Variants in UGT1A3 observed in about 807,000 individuals in gnomAD.
UGT1A3 encodes UDP-glucuronosyltransferase 1A3.
UGT1A3 carries 31 observed loss-of-function variants against 41.0 expected under a neutral mutation model. The observed-to-expected ratio is 0.76, with a 90% confidence interval of 0.57 to 1.02. The LOEUF (loss-of-function observed/expected upper bound fraction) is 1.02, where lower values mean the gene tolerates loss of function less well. Ranked by LOEUF, UGT1A3 falls within the 50% of genes least tolerant of loss-of-function variation. The pLI is 0.00. For missense variants in UGT1A3, 737 were observed against 671.0 expected, an observed-to-expected ratio of 1.10 and a Z score of -1.09; for synonymous variants, 262 against 257.6, an observed-to-expected ratio of 1.02 and a Z score of -0.17.
intron 1 of UGT1A3, chr2:233,750,567 C>G (rs1230562765): frequency 2.0e-5 from 3 of 151,970 alleles, no homozygotes; most frequent in Admixed American, 6.5e-5. Context: ...GCAGCAGACC[C>G]TCCCATCACA....
At chr2:233,757,414 C>T (rs1409954571) in intron 1 of UGT1A3, among the ~76,000 whole-genome samples, 3 of 151,192 alleles carry the variant, frequency 2.0e-5, no homozygotes, top group East Asian at 2.0e-4. Context: ...GGGTCTAGAA[C>T]GAAAAGAGAA....
At chr2:233,753,221 CTTCTTGTAT>C (rs979493311) in intron 1 of UGT1A3, 4 of 152,156 alleles carry the variant, frequency 2.6e-5, no homozygotes, top group African/African-American at 9.7e-5. Flanking sequence ...TATTTTGATA[CTTCTTGTAT>C]AGTTATTATT....
intron 1 of UGT1A3, chr2:233,743,097 G>A: frequency 2.8e-6 from 1 of 351,688 alleles, no homozygotes; most frequent in Non-Finnish European, 5.6e-6. Flanking sequence ...AAATTCTTGG[G>A]TACAGCTGTT....
Position 233,767,165 on chromosome 2 carries a change from A to G in UGT1A3, c.999A>G (p.Thr333=). 2.5e-6 allele frequency: 4 copies of G among 1,614,130 alleles called. No individual in the cohort carries two copies. Among genetic ancestry groups the G allele is most frequent in the Non-Finnish European group, 3.4e-6 (4 of 1,180,004 alleles). ...IADALGKIPQ[T]VLWRYTGTRP... is the part of the protein sequence containing the mutation. ...ATGCTTTGGGCAAAATCCCTCAGAC[A>G]GTAAGAAGATTCTATACCATGGCCT... The change falls in exon 2 of 5, where the codon ACA becomes ACG. Residue 333 remains threonine (T), a splice_region_variant and synonymous_variant. Transcript: ENST00000482026.
chr2:233,765,728 A>C (rs1698929525), intron 1 of UGT1A3, among the ~76,000 whole-genome samples: 1 of 151,098 alleles, frequency 6.6e-6, no homozygotes, highest in Admixed American at 6.6e-5. Flanking sequence ...TAATAATAAT[A>C]ATAAATAAAC....
intron 1 of UGT1A3, among the ~76,000 whole-genome samples, chr2:233,733,221 G>T (rs531413389): frequency 2.6e-5 from 4 of 152,188 alleles, no homozygotes; most frequent in African/African-American, 2.4e-5. Flanking sequence ...GAGACAATGG[G>T]GTTTTCTAAA....
chr2:233,750,073 G>A (rs535406029), intron 1 of UGT1A3, among the ~76,000 whole-genome samples: 50 of 151,996 alleles, frequency 3.3e-4, no homozygotes, highest in East Asian at 3.9e-4. Flanking sequence ...CTGGGTAACA[G>A]GCAGAGGTTG....
chr2:233,743,342 T>C, intron 1 of UGT1A3: 7 of 858,096 alleles, frequency 8.2e-6, no homozygotes, highest in Non-Finnish European at 1.0e-5. Context: ...TCAGTGGAAG[T>C]CGACATGGAC....
At chr2:233,747,632 C>T in intron 1 of UGT1A3, 1 of 1,580,404 alleles carries the variant, frequency 6.3e-7, no homozygotes, top group Non-Finnish European at 8.7e-7. Flanking sequence ...TGATCAGGCA[C>T]CTGAATGCTA....
At chr2:233,766,771 C>A (rs71528513) in intron 1 of UGT1A3, among the ~76,000 whole-genome samples, 1 of 152,170 alleles carries the variant, frequency 6.6e-6, no homozygotes, top group Admixed American at 6.5e-5. Flanking sequence ...TGTACCTGTG[C>A]TTTTCTTTTG....
At chr2:233,734,119 A>AATAATC (rs2125784278) in intron 1 of UGT1A3, among the ~76,000 whole-genome samples, 1 of 152,144 alleles carries the variant, frequency 6.6e-6, no homozygotes, top group Non-Finnish European at 1.5e-5. Context: ...TAATAATAAT[A>AATAATC]ATAAAAAGAA....
At chr2:233,755,051 C>A in intron 1 of UGT1A3, 1 of 1,331,262 alleles carries the variant, frequency 7.5e-7, no homozygotes, top group East Asian at 4.6e-5. Flanking sequence ...AGCCGCCCTC[C>A]GCCCTCGCCT....
chr2:233,733,620 A>G lies in UGT1A3; in HGVS notation c.867+3627A>G, dbSNP rs138642238. ...TGATGGATTACATTTATTGATTTGC[A>G]TATGTTGAACCAGCCTTGCATCCCA... On this transcript the variant is annotated intron_variant, in intron 1 of 4. Coordinates refer to ENST00000482026, the MANE Select transcript of UGT1A3 (RefSeq NM_019093.4). 5.8e-3 allele frequency among the ~76,000 whole-genome samples: 878 copies of G among 152,316 alleles called. 10 individuals are homozygous for G. Among genetic ancestry groups the G allele is most frequent in the African/African-American group, 0.02 (842 of 41,576 alleles).
intron 1 of UGT1A3, among the ~76,000 whole-genome samples, chr2:233,757,619 A>G (rs1437494515): frequency 1.3e-5 from 2 of 148,966 alleles, no homozygotes; most frequent in African/African-American, 2.5e-5. Flanking sequence ...CTGCTAAAAG[A>G]TACAAGGCAG....
chr2:233,752,290 C>T (rs1244302370), intron 1 of UGT1A3: 16 of 152,170 alleles, frequency 1.1e-4, no homozygotes, highest in Admixed American at 1.0e-3. Flanking sequence ...CTCACAGGGT[C>T]ATGCCTTTCC....
intron 1 of UGT1A3, among the ~76,000 whole-genome samples, chr2:233,733,693 C>T (rs2078430243): frequency 6.6e-6 from 1 of 152,134 alleles, no homozygotes; most frequent in Non-Finnish European, 1.5e-5. Flanking sequence ...TGATGTGCTG[C>T]TGGATTTGGT....
rs150749285 is a variant in UGT1A3 at position 233,754,499 on chromosome 2, C to T, written c.868-12535C>T. On this transcript the variant is annotated intron_variant, in intron 1 of 4. Coordinates refer to ENST00000482026, the MANE Select transcript of UGT1A3 (RefSeq NM_019093.4). ...TTCACTTTCAATCCTAAAAAAAGTCCGCTATTCCTCCAGATGTGCTTAAAG... is the reference window on the plus strand; with the variant it reads ...TTCACTTTCAATCCTAAAAAAAGTCTGCTATTCCTCCAGATGTGCTTAAAG... The T allele has an allele frequency of 2.1e-3, 765 of 355,996 alleles. 11 individuals carry two copies. Among genetic ancestry groups the T allele is most frequent in the African/African-American group, 0.015 (707 of 46,828 alleles). The allele number at this position is 355,996 out of a possible 1,614,324, so 22.1% of individuals were successfully genotyped here. A position where few individuals can be genotyped will look rare whatever the true frequency, so the allele number is the denominator to read the frequency against.
chr2:233,732,094 T>C (rs1575595970), intron 1 of UGT1A3, among the ~76,000 whole-genome samples: 2 of 152,276 alleles, frequency 1.3e-5, no homozygotes, highest in South Asian at 2.1e-4. Flanking sequence ...TTTTGAGAAG[T>C]GTCTGTTCAT....
intron 1 of UGT1A3, among the ~76,000 whole-genome samples, chr2:233,751,636 C>T (rs915046603): frequency 2.0e-5 from 3 of 152,122 alleles, no homozygotes; most frequent in African/African-American, 7.2e-5. Flanking sequence ...GTGCAGTTTC[C>T]CCCTTGCTGT....
Sources: gnomAD v4.1 joint callset for allele counts (sites outside exome capture counted in the v4.1 genomes callset) on GRCh38, gnomAD v4.1.1 for gene constraint, MANE v1.5 for transcripts, NCBI Gene and HGNC (gene_info 2026-07-23, HGNC 2026-07-21) for gene names.